The following PDE4B variants were observed in gnomAD, a reference collection of about 807,000 sequenced individuals.
PDE4B encodes the protein 3',5'-cyclic-AMP phosphodiesterase 4B.
In PDE4B, 20 loss-of-function variants were observed where a neutral mutation model predicts 82.2. The observed-to-expected ratio is 0.24, with a 90% confidence interval of 0.17 to 0.35. The LOEUF is 0.35. Ranked by LOEUF, PDE4B falls within the 10% of genes least tolerant of loss-of-function variation. The pLI is 1.00. For missense variants in PDE4B, 655 were observed against 907.2 expected (o/e 0.72, Z 3.57); for synonymous variants, 320 against 318.9 (o/e 1.00, Z -0.04).
At chr1:65,940,965 C>G (rs1281046814) in intron 3 of PDE4B, among the ~76,000 whole-genome samples, 1 of 151,792 alleles carries the variant, frequency 6.6e-6, no homozygotes, top group Non-Finnish European at 1.5e-5. Context: ...TCTTGATGTA[C>G]CCACCATATA....
intron 7 of PDE4B, among the ~76,000 whole-genome samples, chr1:66,298,564 A>T (rs1657670283): frequency 6.6e-6 from 1 of 152,188 alleles, no homozygotes; most frequent in African/African-American, 2.4e-5. Context: ...GCTTTGCAAG[A>T]TCACACAACT....
intron 3 of PDE4B, among the ~76,000 whole-genome samples, chr1:66,096,589 T>C (rs1645126282): frequency 6.8e-6 from 1 of 147,106 alleles, no homozygotes. Flanking sequence ...TCATTAATAA[T>C]TTATGTTGAT....
chr1:66,117,512 G>A (rs116266407), intron 3 of PDE4B, among the ~76,000 whole-genome samples: 4 of 152,020 alleles, frequency 2.6e-5, no homozygotes, highest in Non-Finnish European at 5.9e-5. Context: ...GAGTGCAGTT[G>A]GAAGAGATGT....
chr1:65,798,510 G>A (rs1446515121), intron 1 of PDE4B, among the ~76,000 whole-genome samples: 1 of 48,408 alleles, frequency 2.1e-5, no homozygotes, highest in Admixed American at 1.9e-4. Context: ...CACCCGCCTC[G>A]GCCTCCCAAA....
intron 3 of PDE4B, among the ~76,000 whole-genome samples, chr1:66,120,477 G>C (rs995447540): frequency 6.6e-6 from 1 of 152,090 alleles, no homozygotes; most frequent in Admixed American, 6.5e-5. Flanking sequence ...CATATCTCCT[G>C]AAAGTTTCAG....
At chr1:65,902,276 A>C (rs1646979990) in intron 1 of PDE4B, among the ~76,000 whole-genome samples, 1 of 152,126 alleles carries the variant, frequency 6.6e-6, no homozygotes, top group Non-Finnish European at 1.5e-5. Flanking sequence ...TATTGAAGCC[A>C]TATCAGAAAT....
Position 66,364,960 on chromosome 1 carries a change from A to G in PDE4B, c.1285-707A>G, listed in dbSNP as rs145366884. On this transcript the variant is annotated intron_variant, in intron 12 of 16. Transcript: ENST00000341517. ...TTTAACTAATCACAGAGGATGAGGA[A>G]AGACATTTCAGCTCTAGAATGAGCA... Among the ~76,000 whole-genome samples the G allele has an allele frequency of 1.7e-3, 253 of 152,268 alleles. 2 individuals carry two copies. The highest frequency in any genetic ancestry group is 0.011 in the Admixed American group (173 of 15,284).
At chr1:65,823,390 C>T (rs1041279369) in intron 1 of PDE4B, among the ~76,000 whole-genome samples, 1 of 134,228 alleles carries the variant, frequency 7.5e-6, no homozygotes, top group Admixed American at 7.5e-5. Context: ...AGTGAGACTC[C>T]ATCTCTAAAA....
At position 66,290,098 on chromosome 1, in the gene PDE4B, A is replaced by G. The variant is rs1473971448; in HGVS notation, c.634+24011A>G. On this transcript the variant is annotated intron_variant, in intron 7 of 16. Coordinates refer to ENST00000341517, the MANE Select transcript of PDE4B (RefSeq NM_002600.4). ...ACTCAGGAGTTTGGTTTTAGATGTT[A>G]ATTTTCAGTGATCTGATGTAGCCAA... Among the ~76,000 whole-genome samples the G allele has an allele frequency of 2.0e-5, 3 of 152,162 alleles. No individual in the cohort carries two copies. In the East Asian group the frequency reaches 5.8e-4, roughly 29 times the overall value.
intron 1 of PDE4B, among the ~76,000 whole-genome samples, chr1:65,848,280 A>G (rs2101376245): frequency 6.6e-6 from 1 of 152,164 alleles, no homozygotes; most frequent in East Asian, 1.9e-4. Flanking sequence ...CTGAGACTAC[A>G]GGCATGTGCC....
intron 1 of PDE4B, among the ~76,000 whole-genome samples, chr1:65,800,183 C>G (rs1645678764): frequency 6.6e-6 from 1 of 152,052 alleles, no homozygotes; most frequent in Non-Finnish European, 1.5e-5. Flanking sequence ...ATTCAGAGAT[C>G]AGGAGGCAAG....
At chr1:65,793,436 G>T (rs916152708) in intron 1 of PDE4B, among the ~76,000 whole-genome samples, 188 bp downstream of exon 1, 1 of 152,196 alleles carries the variant, frequency 6.6e-6, no homozygotes, top group Non-Finnish European at 1.5e-5. Context: ...TCCGCCAACC[G>T]GCCCCTAGCC....
At chr1:65,987,825 G>A (rs990150669) in intron 3 of PDE4B, among the ~76,000 whole-genome samples, 2 of 152,276 alleles carry the variant, frequency 1.3e-5, no homozygotes. Flanking sequence ...TGTTGGCCAG[G>A]CTAGTCCTGA....
intron 3 of PDE4B, among the ~76,000 whole-genome samples, chr1:65,973,808 G>A (rs1650270811): frequency 1.1e-5 from 1 of 87,388 alleles, no homozygotes; most frequent in Non-Finnish European, 2.5e-5. Flanking sequence ...TGTAGCACTG[G>A]GTTTTTTTTT....
intron 3 of PDE4B, among the ~76,000 whole-genome samples, chr1:66,104,749 G>T (rs1408305584): frequency 6.7e-6 from 1 of 149,860 alleles, no homozygotes; most frequent in Non-Finnish European, 1.5e-5. Context: ...TTTGAGAAGT[G>T]TCTGTTCATG....
chr1:66,064,873 A>G (rs1224569487), intron 3 of PDE4B, among the ~76,000 whole-genome samples: 3 of 151,974 alleles, frequency 2.0e-5, no homozygotes, highest in Non-Finnish European at 4.4e-5. Context: ...AAAAGAAAAA[A>G]AAGTTTCAGA....
At chr1:65,956,568 G>T (rs1187139220) in intron 3 of PDE4B, among the ~76,000 whole-genome samples, 9 of 152,060 alleles carry the variant, frequency 5.9e-5, no homozygotes, top group Non-Finnish European at 1.2e-4. Context: ...GTTTCTAAGA[G>T]TTTCCTTATT....
In PDE4B at chr1:66,372,519, C is replaced by T. The variant is rs373468487; in HGVS notation, c.2052C>T (p.Leu684=). The change falls in exon 17 of 17, where the codon CTC becomes CTT. Residue 684 remains leucine, a synonymous_variant. Coordinates refer to ENST00000341517, the MANE Select transcript of PDE4B (RefSeq NM_002600.4). ...AGAAGTTTCAGTTTGAACTGACTCT[C>T]GATGAGGAAGATTCTGAAGGACCTG... ...LMEKFQFELT[L]DEEDSEGPEK... is the part of the protein sequence containing the mutation. The T allele has an allele frequency of 1.6e-4, 253 of 1,613,916 alleles. No homozygotes were observed. Among genetic ancestry groups the T allele is most frequent in the Non-Finnish European group, 1.8e-4 (207 of 1,180,010 alleles).
chr1:66,041,859 T>C (rs953992103), intron 3 of PDE4B, among the ~76,000 whole-genome samples: 1 of 147,230 alleles, frequency 6.8e-6, no homozygotes, highest in Non-Finnish European at 1.5e-5. Flanking sequence ...GAATACCTAA[T>C]GTATGATTCA....
Sources: gnomAD v4.1 joint callset for allele counts (sites outside exome capture counted in the v4.1 genomes callset) on GRCh38, gnomAD v4.1.1 for gene constraint, MANE v1.5 for transcripts, NCBI Gene and HGNC (gene_info 2026-07-23, HGNC 2026-07-21) for gene names.